Variants in FRY observed in about 807,000 individuals in gnomAD.
The protein encoded by FRY is FRY microtubule binding protein.
Under a neutral mutation model 348.4 loss-of-function variants are expected in FRY, and 128 were observed. The ratio of observed to expected loss-of-function variants is 0.37; its 90% CI spans 0.32 to 0.43. The LOEUF (loss-of-function observed/expected upper bound fraction) is 0.43, where lower values mean the gene tolerates loss of function less well. FRY is among the 20% of genes least tolerant of loss of function. FRY has a pLI of 1.00. For missense variants in FRY, 2,736 were observed against 3,695.2 expected (o/e 0.74, Z 6.73); for synonymous variants, 1,370 against 1,374.7 (o/e 1.00, Z 0.08).
chr13:32,203,006 A>G (rs1884127131), intron 31 of FRY, among the ~76,000 whole-genome samples: 1 of 152,164 alleles, frequency 6.6e-6, no homozygotes, highest in Non-Finnish European at 1.5e-5. Flanking sequence ...GGTCAGAATT[A>G]CTGTGGGCTA....
At chr13:32,218,910 T>C in intron 36 of FRY, 79 bp downstream of exon 36, 1 of 818,428 alleles carries the variant, frequency 1.2e-6, no homozygotes, top group South Asian at 1.4e-5. Context: ...TGATTGTTCT[T>C]GGTCTGATTA....
intron 1 of FRY, among the ~76,000 whole-genome samples, chr13:32,065,019 C>T (rs528823227): frequency 4.8e-4 from 73 of 152,228 alleles, no homozygotes; most frequent in African/African-American, 1.7e-3. Flanking sequence ...TTACTCAAAC[C>T]TATGTGATTG....
chr13:32,088,845 C>CT (rs947905347), intron 2 of FRY, among the ~76,000 whole-genome samples: 2 of 151,918 alleles, frequency 1.3e-5, no homozygotes, highest in South Asian at 2.1e-4. Flanking sequence ...TCGAAGTTTC[C>CT]TTTTTTTGAG....
chr13:32,121,698 A>G (rs953156577), intron 4 of FRY, among the ~76,000 whole-genome samples: 1 of 152,056 alleles, frequency 6.6e-6, no homozygotes, highest in Non-Finnish European at 1.5e-5. Flanking sequence ...AGATGTATAG[A>G]TTGTGAAGAT....
In FRY at chr13:32,098,852, C is replaced by T. The variant is rs1013273075; in HGVS notation, c.271-3111C>T. Among the ~76,000 whole-genome samples the T allele has an allele frequency of 2.0e-5, 3 of 151,854 alleles. 1 individual carries two copies. The highest frequency in any genetic ancestry group is 7.3e-5 in the African/African-American group (3 of 41,238). ...GTATACTCTGAACAGAAAATGTTAC[C>T]CATAAGAACACAGTATTCTTTGTAT... is the stretch of plus-strand genomic sequence containing the variant. On this transcript the variant is annotated intron_variant, in intron 2 of 60. Coordinates refer to ENST00000542859, the MANE Select transcript of FRY (RefSeq NM_023037.3).
intron 46 of FRY, among the ~76,000 whole-genome samples, chr13:32,241,729 A>T (rs899019938): frequency 3.9e-5 from 6 of 152,200 alleles, no homozygotes; most frequent in African/African-American, 1.2e-4. Context: ...TACACTTTTT[A>T]AAAAAATGGT....
intron 56 of FRY, among the ~76,000 whole-genome samples, chr13:32,275,891 T>TA (rs1290066957): frequency 2.0e-5 from 3 of 151,694 alleles, no homozygotes; most frequent in Non-Finnish European, 4.4e-5. Context: ...TTTTTTTTTT[T>TA]AGCCCCCATG....
chr13:32,260,593 G>A (rs1887577560), intron 51 of FRY, among the ~76,000 whole-genome samples: 1 of 152,180 alleles, frequency 6.6e-6, no homozygotes, highest in Non-Finnish European at 1.5e-5. Flanking sequence ...TAATATTTGG[G>A]GCCGGGTGCA....
At chr13:32,055,666 A>G (rs398251) in intron 1 of FRY, among the ~76,000 whole-genome samples, 70,001 of 152,096 alleles carry the variant, frequency 0.46, 18,427 homozygotes, top group Non-Finnish European at 0.57. Flanking sequence ...AACCTGTGCA[A>G]TAATCCTTCA....
chr13:32,058,208 G>A (rs1873748360), intron 1 of FRY, among the ~76,000 whole-genome samples: 1 of 151,832 alleles, frequency 6.6e-6, no homozygotes, highest in African/African-American at 2.4e-5. Flanking sequence ...TGGAATCATC[G>A]GGGAGCCAAC....
intron 3 of FRY, 48 bp downstream of exon 3, chr13:32,102,064 C>A: frequency 9.4e-7 from 1 of 1,066,756 alleles, no homozygotes; most frequent in Non-Finnish European, 1.5e-6. Context: ...TTTCAGCATT[C>A]ACGCAAGGCA....
intron 51 of FRY, among the ~76,000 whole-genome samples, chr13:32,257,802 T>C (rs1301500741): frequency 1.3e-5 from 2 of 152,262 alleles, no homozygotes; most frequent in Non-Finnish European, 2.9e-5. Flanking sequence ...AGTTAGTGTA[T>C]ATTTACCTTT....
chr13:32,096,544 A>T (rs558605499), intron 2 of FRY, among the ~76,000 whole-genome samples: 1 of 152,296 alleles, frequency 6.6e-6, no homozygotes, highest in Admixed American at 6.5e-5. Context: ...TAATCCTAGC[A>T]GTTTGGGAGG....
At chr13:32,067,147 C>T (rs1213804914) in intron 1 of FRY, among the ~76,000 whole-genome samples, 1 of 152,188 alleles carries the variant, frequency 6.6e-6, no homozygotes, top group Non-Finnish European at 1.5e-5. Context: ...AGAAGAGACA[C>T]TTGGCAGATG....
At position 32,078,922 on chromosome 13, in the gene FRY, C is replaced by T; in HGVS notation, c.159C>T (p.Pro53=). Residue 53 remains proline, a synonymous_variant, in exon 2 of 61, where the codon CCC becomes CCT. Transcript: ENST00000542859. ...AGAAAGGGCCGCCAACCATGCTACC[C>T]ATCAATGTGGACCCAGACAGTAAAC... ...HREKGPPTML[P]INVDPDSKPG... is the part of the protein sequence containing the mutation. The T allele has an allele frequency of 6.2e-7, 1 of 1,613,796 alleles. No homozygotes were observed. The highest frequency in any genetic ancestry group is 8.5e-7 in the Non-Finnish European group (1 of 1,179,698).
rs1310492920 is a variant in FRY at position 32,209,839 on chromosome 13, T to G, written c.4422+108T>G. 11 of 1,123,966 alleles carry G rather than the reference T, an allele frequency of 9.8e-6. No homozygotes were observed. The African/African-American group carries it at 1.5e-4, about 16-fold the overall frequency. The allele number at this position is 1,123,966 out of a possible 1,614,324, so 69.6% of individuals were successfully genotyped here. The stretch of plus-strand genomic sequence containing the variant: ...CTCCAGCTAAAATAGAAATGTCCAG[T>G]TAGTCACATGAATCTCCTGTGAGCT... On this transcript the variant is annotated intron_variant, in intron 33 of 60. Coordinates refer to ENST00000542859, the MANE Select transcript of FRY (RefSeq NM_023037.3).
chr13:32,178,772 A>G, intron 21 of FRY, 72 bp from the exon 22 acceptor site: 1 of 1,035,526 alleles, frequency 9.7e-7, no homozygotes, highest in Non-Finnish European at 1.5e-6. Flanking sequence ...ACTTCCTATG[A>G]TCTTTATTTA....
chr13:32,278,492 G>T lies in FRY; in HGVS notation c.8413G>T (p.Ala2805Ser), dbSNP rs1888649899. The T allele has an allele frequency of 1.2e-6, 2 of 1,600,578 alleles. No homozygotes were observed. Among genetic ancestry groups the T allele is most frequent in the African/African-American group, 1.3e-5 (1 of 74,616 alleles). Residue 2805 changes from alanine to serine, a missense_variant, in exon 58 of 61, where the codon GCA becomes TCA. Around this residue, in one of 9 missense-constraint regions of FRY, gnomAD observed 789 missense variants for 996.2 expected, o/e 0.79. Coordinates refer to ENST00000542859, the MANE Select transcript of FRY (RefSeq NM_023037.3). ...GCTTGCAAATTGTAAGGCAACATTTGCAGGGGGATCAAGAGATGGAGTAAT... is the reference window on the plus strand; with the variant it reads ...GCTTGCAAATTGTAAGGCAACATTTTCAGGGGGATCAAGAGATGGAGTAAT... ...SWLANCKATF[A>S]GGSRDGVITC... is the part of the protein sequence containing the mutation.
At chr13:32,104,087 A>T (rs1017228280) in intron 3 of FRY, among the ~76,000 whole-genome samples, 2 of 152,170 alleles carry the variant, frequency 1.3e-5, no homozygotes, top group African/African-American at 4.8e-5. Context: ...TCTCCAGCTT[A>T]ATGTACCTCT....
Sources: gnomAD v4.1 joint callset for allele counts (sites outside exome capture counted in the v4.1 genomes callset) on GRCh38, gnomAD v4.1.1 for gene constraint, gnomAD v4.1.1 regional missense constraint, MANE v1.5 for transcripts, NCBI Gene and HGNC (gene_info 2026-07-23, HGNC 2026-07-21) for gene names.